Variants in TEC observed in about 807,000 individuals in gnomAD.
The protein encoded by TEC is tec protein tyrosine kinase.
In TEC, 72 loss-of-function variants were observed where a neutral mutation model predicts 93.0. The ratio of observed to expected loss-of-function variants is 0.77; its 90% confidence interval spans 0.64 to 0.94. TEC has a LOEUF of 0.94. Ranked by LOEUF, TEC falls within the 40% of genes least tolerant of loss-of-function variation. TEC has a pLI of 0.00. For synonymous variants in TEC, 249 were observed against 247.7 expected (o/e 1.01, Z -0.05); for missense variants, 630 against 757.9 (o/e 0.83, Z 1.98).
chr4:48,190,169 C>A (rs940205955), intron 2 of TEC, among the ~76,000 whole-genome samples: 1 of 152,188 alleles, frequency 6.6e-6, no homozygotes, highest in African/African-American at 2.4e-5. Flanking sequence ...TTGTTCAATA[C>A]TGTCTGAAAT....
At chr4:48,193,672 C>T (rs1560401852) in intron 2 of TEC, among the ~76,000 whole-genome samples, 1 of 151,870 alleles carries the variant, frequency 6.6e-6, no homozygotes, top group Non-Finnish European at 1.5e-5. Context: ...GCCTAGGTTT[C>T]AGTTCTTAGG....
chr4:48,265,402 TATATATATACACACAC>T (rs1371355905), intron 1 of TEC, among the ~76,000 whole-genome samples: 1 of 148,838 alleles, frequency 6.7e-6, no homozygotes, highest in African/African-American at 2.5e-5. Context: ...TGTGTATATG[TATATATATACACACAC>T]ATATATATAC....
intron 9 of TEC, among the ~76,000 whole-genome samples, chr4:48,154,176 T>C (rs1046884317): frequency 6.6e-6 from 1 of 152,230 alleles, no homozygotes; most frequent in Admixed American, 6.5e-5. Context: ...TCTATATGTG[T>C]TATGTGTGTG....
At chr4:48,157,009 T>G (rs2109525884) in intron 8 of TEC, among the ~76,000 whole-genome samples, 1 of 152,356 alleles carries the variant, frequency 6.6e-6, no homozygotes, top group Admixed American at 6.5e-5. Flanking sequence ...ATAACCTGAA[T>G]TTTTCATATA....
intron 2 of TEC, among the ~76,000 whole-genome samples, chr4:48,181,577 G>A (rs559655908): frequency 1.1e-5 from 1 of 91,714 alleles, no homozygotes; most frequent in South Asian, 3.3e-4. Context: ...GGAGGCTGAG[G>A]CAGGAGAATA....
intron 2 of TEC, among the ~76,000 whole-genome samples, chr4:48,227,272 C>CA (rs1229988427): frequency 6.6e-6 from 1 of 151,908 alleles, no homozygotes; most frequent in Non-Finnish European, 1.5e-5. Context: ...AACCAAATCA[C>CA]AGAGAAATCA....
At chr4:48,199,455 CTTTTTTTTTTTT>C (rs34965891) in intron 2 of TEC, among the ~76,000 whole-genome samples, 94 of 67,366 alleles carry the variant, frequency 1.4e-3, no homozygotes, top group South Asian at 1.0e-2. Context: ...GATTTTCTTT[CTTTTTTTTTTTT>C]TTTTTTTTTT....
At chr4:48,238,737 A>G (rs1723853617) in intron 1 of TEC, among the ~76,000 whole-genome samples, 1 of 150,188 alleles carries the variant, frequency 6.7e-6, no homozygotes, top group Non-Finnish European at 1.5e-5. Flanking sequence ...TATATTTCCC[A>G]GCCTTCTTTG....
chr4:48,162,504 T>A (rs1435864909), intron 8 of TEC, among the ~76,000 whole-genome samples: 4 of 152,250 alleles, frequency 2.6e-5, no homozygotes, highest in Non-Finnish European at 5.9e-5. Context: ...ACGCTATCGC[T>A]TTAAAACCAG....
chr4:48,222,423 G>T (rs1723297317), intron 2 of TEC, among the ~76,000 whole-genome samples: 1 of 152,168 alleles, frequency 6.6e-6, no homozygotes, highest in African/African-American at 2.4e-5. Flanking sequence ...TAAAACTGGG[G>T]TTGGGAGCTG....
intron 1 of TEC, among the ~76,000 whole-genome samples, chr4:48,243,166 T>A (rs1197183928): frequency 1.3e-5 from 2 of 151,086 alleles, no homozygotes; most frequent in African/African-American, 4.9e-5. Context: ...TCTTTAAACA[T>A]CATCCCGAAG....
At chr4:48,186,087 G>T (rs547438297) in intron 2 of TEC, among the ~76,000 whole-genome samples, 1 of 152,228 alleles carries the variant, frequency 6.6e-6, no homozygotes, top group Admixed American at 6.5e-5. Context: ...TCCAGCTCCT[G>T]ACCGTGAGTG....
intron 2 of TEC, among the ~76,000 whole-genome samples, chr4:48,193,649 G>C (rs535651276): frequency 1.3e-5 from 2 of 152,232 alleles, no homozygotes; most frequent in South Asian, 4.1e-4. Flanking sequence ...CAAAAAAGAA[G>C]GAAGGCCCTT....
chr4:48,157,873 C>G (rs1300195149), intron 8 of TEC, among the ~76,000 whole-genome samples: 1 of 152,214 alleles, frequency 6.6e-6, no homozygotes, highest in Admixed American at 6.5e-5. Context: ...TTAACCACCT[C>G]ATCCTCAGAG....
chr4:48,183,633 T>C (rs1043006563), intron 2 of TEC, among the ~76,000 whole-genome samples: 4 of 152,198 alleles, frequency 2.6e-5, no homozygotes, highest in African/African-American at 7.2e-5. Context: ...AGCAGCCTCC[T>C]CCCCTACTCC....
At chr4:48,208,316 A>C (rs1163256404) in intron 2 of TEC, among the ~76,000 whole-genome samples, 2 of 152,236 alleles carry the variant, frequency 1.3e-5, no homozygotes, top group African/African-American at 2.4e-5. Context: ...ACTGGCTAGC[A>C]GAGCCAGAAC....
chr4:48,186,621 G>A (rs1192853206), intron 2 of TEC, among the ~76,000 whole-genome samples: 5 of 151,834 alleles, frequency 3.3e-5, no homozygotes, highest in Non-Finnish European at 7.4e-5. Context: ...CTGCCCAGCA[G>A]CCGCCCCGTC....
At chr4:48,200,482 G>T (rs968245310) in intron 2 of TEC, among the ~76,000 whole-genome samples, 3 of 152,230 alleles carry the variant, frequency 2.0e-5, no homozygotes, top group African/African-American at 7.2e-5. Context: ...CAACAGACTG[G>T]AGAGGAGCAA....
chr4:48,188,698 T>G (rs1021966389), intron 2 of TEC, among the ~76,000 whole-genome samples: 3 of 152,228 alleles, frequency 2.0e-5, no homozygotes, highest in African/African-American at 7.2e-5. Context: ...TACTTTCATT[T>G]ATATTTGGGA....
Sources: allele counts gnomAD v4.1 joint callset (sites outside exome capture counted in the v4.1 genomes callset), GRCh38; gene constraint gnomAD v4.1.1; transcripts MANE v1.5; gene names NCBI Gene and HGNC (gene_info 2026-07-23, HGNC 2026-07-21).